The following NTNG2 variants were observed in gnomAD, a reference collection of about 807,000 sequenced individuals.
NTNG2 encodes the protein netrin G2.
A neutral mutation model predicts 47.6 loss-of-function variants in NTNG2; 15 were observed. The observed-to-expected ratio is 0.32, with a 90% CI of 0.21 to 0.49. The LOEUF (loss-of-function observed/expected upper bound fraction) is 0.49. Ranked by LOEUF, NTNG2 falls within the 20% of genes least tolerant of loss-of-function variation. The pLI is 0.99. For missense variants in NTNG2, 578 were observed against 764.6 expected, an observed-to-expected ratio of 0.76 and a Z score of 2.88; for synonymous variants, 307 against 324.6, an observed-to-expected ratio of 0.95 and a Z score of 0.58.
In NTNG2 at chr9:132,198,622, G is replaced by A. The variant is rs375021739; in HGVS notation, c.857+13G>A. 119 of 1,600,286 alleles carry A rather than the reference G, an allele frequency of 7.4e-5. 1 individual carries two copies. Among genetic ancestry groups the A allele is most frequent in the Non-Finnish European group, 9.1e-5 (106 of 1,170,884 alleles). On this transcript the variant is annotated intron_variant, in intron 3 of 7. Transcript: ENST00000393229. ...AGGTCATCGGCAGGTAAGGCCGGGG[G>A]AAGCCCTGGATGTCACCTGCAACCT...
chr9:132,169,708 T>C (rs1404754475), intron 2 of NTNG2, among the ~76,000 whole-genome samples: 1 of 152,244 alleles, frequency 6.6e-6, no homozygotes, highest in Non-Finnish European at 1.5e-5. Flanking sequence ...AGTGTCACGG[T>C]GCTGGCGGGA....
rs1564407430 is a variant in NTNG2 at position 132,197,761 on chromosome 9, T to G, written c.214-205T>G. Among the ~76,000 whole-genome samples the G allele has an allele frequency of 6.6e-6, 1 of 152,156 alleles. No individual in the cohort carries two copies. The highest frequency in any genetic ancestry group is 1.5e-5 in the Non-Finnish European group (1 of 68,018). On this transcript the variant is annotated intron_variant, in intron 2 of 7. Coordinates refer to ENST00000393229, the MANE Select transcript of NTNG2 (RefSeq NM_032536.4). This position sits in a 1 kb window ranked among gnomAD's most constrained non-coding sequence, Gnocchi z 4.3. Reference sequence around the variant, plus strand: ...AGCAAGGACAAGTATGCATTTTTTCTTTGGAAGCCATGGGATTGCACACCT... The same window carrying G: ...AGCAAGGACAAGTATGCATTTTTTCGTTGGAAGCCATGGGATTGCACACCT...
chr9:132,216,414 C>CTGTG (rs1177821281), intron 3 of NTNG2, among the ~76,000 whole-genome samples: 11 of 110,284 alleles, frequency 1.0e-4, no homozygotes, highest in East Asian at 2.5e-4. Flanking sequence ...CTCTCTCTCT[C>CTGTG]TGTGTGTGTG....
At position 132,167,923 on chromosome 9, in the gene NTNG2, C is replaced by T. The variant is rs117978557; in HGVS notation, c.213+879C>T. ...TCAGGGGAGGGCTCTGGCCCAGTGA[C>T]GTCTGTGGGCTTCTGTTCTGTCATC... On this transcript the variant is annotated intron_variant, in intron 2 of 7. Transcript: ENST00000393229. Among the ~76,000 whole-genome samples the T allele has an allele frequency of 3.3e-3, 501 of 152,252 alleles. 1 individual carries two copies. The highest frequency in any genetic ancestry group is 5.2e-3 in the Non-Finnish European group (353 of 68,020).
rs963167729 is a variant in NTNG2 at position 132,243,043 on chromosome 9, T to C, written c.*932T>C. The C allele has an allele frequency of 2.0e-5, 3 of 147,508 alleles. No individual in the cohort carries two copies. The highest frequency in any genetic ancestry group is 7.1e-5 in the Admixed American group (1 of 14,036). 9.1% of individuals were successfully genotyped at this position (147,508 alleles called of 1,614,324 possible). A position where few individuals can be genotyped will look rare whatever the true frequency, so the allele number is the denominator to read the frequency against. On this transcript the variant is annotated 3_prime_UTR_variant, in exon 8 of 8. Coordinates refer to ENST00000393229, the MANE Select transcript of NTNG2 (RefSeq NM_032536.4). Reference sequence around the variant, plus strand: ...GCGGCCAGGCTGCAGGTGCCCCACCTGTTAGGAGCCTCCCCACACTGAAAG... The same window carrying C: ...GCGGCCAGGCTGCAGGTGCCCCACCCGTTAGGAGCCTCCCCACACTGAAAG...
intron 2 of NTNG2, among the ~76,000 whole-genome samples, chr9:132,195,910 G>A (rs1838276538): frequency 6.6e-6 from 1 of 151,962 alleles, no homozygotes; most frequent in Non-Finnish European, 1.5e-5. Flanking sequence ...GGGACTAGAG[G>A]TGCATGCCAC....
At position 132,231,320 on chromosome 9, in the gene NTNG2, G is replaced by C. The variant is rs765707795; in HGVS notation, c.1054+725G>C. 2.4e-5 allele frequency: 11 copies of C among 456,402 alleles called. No individual in the cohort carries two copies. The highest frequency in any genetic ancestry group is 1.7e-4 in the South Asian group (11 of 64,552). 28.3% of individuals were successfully genotyped at this position (456,402 alleles called of 1,614,324 possible). A position where few individuals can be genotyped will look rare whatever the true frequency, so the allele number is the denominator to read the frequency against. ...CCTTGCAAACCCCTCCCCCTGGGAG[G>C]TCGCCATCTGCTCTGCGAGGCAGCA... On this transcript the variant is annotated intron_variant, in intron 5 of 7. Coordinates refer to ENST00000393229, the MANE Select transcript of NTNG2 (RefSeq NM_032536.4). This position sits in a 1 kb window ranked among gnomAD's most constrained non-coding sequence, Gnocchi z 4.1.
At chr9:132,204,297 C>T (rs776175811) in intron 3 of NTNG2, among the ~76,000 whole-genome samples, 1 of 152,166 alleles carries the variant, frequency 6.6e-6, no homozygotes, top group Non-Finnish European at 1.5e-5. Context: ...TGGGCCTCCC[C>T]CAACCTGTTT....
chr9:132,240,731 G>A (rs909364756), intron 6 of NTNG2, 179 bp from the exon 7 acceptor site: 5 of 828,644 alleles, frequency 6.0e-6, no homozygotes, highest in South Asian at 1.7e-5. Flanking sequence ...TTCTCTCCAG[G>A]CCTGGCCACC....
chr9:132,167,141 T>TG (rs1835550732), intron 2 of NTNG2, 97 bp downstream of exon 2: 14 of 1,340,862 alleles, frequency 1.0e-5, no homozygotes, highest in Admixed American at 4.0e-5. Context: ...AGGACTGAGA[T>TG]GCAAGGCTGA....
At chr9:132,172,448 G>A (rs1045720829) in intron 2 of NTNG2, among the ~76,000 whole-genome samples, 15 of 152,184 alleles carry the variant, frequency 9.9e-5, no homozygotes, top group African/African-American at 1.9e-4. Context: ...TTAATAGAAC[G>A]TGCATAGGAG....
In NTNG2 at chr9:132,226,968, G is replaced by A. The variant is rs770695615; in HGVS notation, c.977G>A (p.Arg326Gln). Residue 326 changes from arginine to glutamine, a missense_variant, in exon 4 of 8, where the codon CGG (arginine) becomes CAG (glutamine). Physicochemically the swap from Arg to Gln is conservative, Grantham distance 43. Coordinates refer to ENST00000393229, the MANE Select transcript of NTNG2 (RefSeq NM_032536.4). The surrounding 1 kb of genome is among the most constrained non-coding windows in gnomAD (Gnocchi z 4.8). ...CGKCKKNFRT[R>Q]SWRAGSYLPL... ...AAGTGCAAGAAGAATTTCCGCACCCGGTCCTGGCGGGCCGGCTCCTACCTG... is the reference window on the plus strand; with the variant it reads ...AAGTGCAAGAAGAATTTCCGCACCCAGTCCTGGCGGGCCGGCTCCTACCTG... 1.2e-5 allele frequency: 20 copies of A among 1,611,390 alleles called. No individual in the cohort carries two copies. The highest frequency in any genetic ancestry group is 5.5e-5 in the South Asian group (5 of 91,022).
chr9:132,238,098 C>T (rs1435885280), intron 5 of NTNG2, among the ~76,000 whole-genome samples: 1 of 127,348 alleles, frequency 7.9e-6, no homozygotes, highest in Non-Finnish European at 1.6e-5. Context: ...TGGCCGTTGT[C>T]CTTCCTTGTT....
At position 132,181,872 on chromosome 9, in the gene NTNG2, C is replaced by T. The variant is rs572677778; in HGVS notation, c.213+14828C>T. The stretch of plus-strand genomic sequence containing the variant: ...CACCTCCAGCCTGGGCCGCCCGGCC[C>T]GGCATCCAGGTTCCTAAACAGGCTG... On this transcript the variant is annotated intron_variant, in intron 2 of 7. Transcript: ENST00000393229. Among the ~76,000 whole-genome samples, 479 of 152,356 alleles carry T rather than the reference C, an allele frequency of 3.1e-3. 3 individuals carry two copies. Among genetic ancestry groups the T allele is most frequent in the Non-Finnish European group, 4.8e-3 (329 of 68,030 alleles).
intron 4 of NTNG2, among the ~76,000 whole-genome samples, chr9:132,227,775 C>T (rs1840891953): frequency 6.6e-6 from 1 of 152,198 alleles, no homozygotes; most frequent in South Asian, 2.1e-4. Context: ...CTTCTGAGGA[C>T]CACCCACCCG....
intron 4 of NTNG2, among the ~76,000 whole-genome samples, chr9:132,227,994 G>A (rs761715178): frequency 1.9e-4 from 29 of 152,186 alleles, no homozygotes; most frequent in Non-Finnish European, 3.5e-4. Flanking sequence ...ACACAGCCCC[G>A]CAGGGTGGAG....
rs1340053789 is a variant in NTNG2 at position 132,215,472 on chromosome 9, C to T, written c.858-11377C>T. Among the ~76,000 whole-genome samples the T allele has an allele frequency of 1.6e-5, 2 of 122,664 alleles. No individual in the cohort carries two copies. The highest frequency in any genetic ancestry group is 6.4e-5 in the African/African-American group (2 of 31,108). The allele number at this position is 122,664 out of a possible 152,430, so 80.5% of individuals were successfully genotyped here. ...GCGGGCGCCTGTAATCCCAGCTACTCGGGAGGCTGAGGCAGGATAATTGCT... is the reference window on the plus strand; with the variant it reads ...GCGGGCGCCTGTAATCCCAGCTACTTGGGAGGCTGAGGCAGGATAATTGCT... On this transcript the variant is annotated intron_variant, in intron 3 of 7. Transcript: ENST00000393229. The surrounding 1 kb of genome is among the most constrained non-coding windows in gnomAD (Gnocchi z 4.2).
chr9:132,197,127 C>T lies in NTNG2; in HGVS notation c.214-839C>T, dbSNP rs866836089. Among the ~76,000 whole-genome samples, 1 of 152,144 alleles carries T rather than the reference C, an allele frequency of 6.6e-6. No homozygotes were observed. The highest frequency in any genetic ancestry group is 1.5e-5 in the Non-Finnish European group (1 of 68,036). ...CTCAGGGGCCGGGCGCAGTGGCTCACGTCTGCAATCCCAGCACTTTGGGAG... is the reference window on the plus strand; with the variant it reads ...CTCAGGGGCCGGGCGCAGTGGCTCATGTCTGCAATCCCAGCACTTTGGGAG... On this transcript the variant is annotated intron_variant, in intron 2 of 7. Coordinates refer to ENST00000393229, the MANE Select transcript of NTNG2 (RefSeq NM_032536.4). The surrounding 1 kb of genome is among the most constrained non-coding windows in gnomAD (Gnocchi z 4.3).
chr9:132,227,522 C>T (rs1299549427), intron 4 of NTNG2, among the ~76,000 whole-genome samples: 2 of 152,192 alleles, frequency 1.3e-5, no homozygotes, highest in East Asian at 3.9e-4. Flanking sequence ...TGATCATAAG[C>T]ATCTCTGGGG....
Sources: gnomAD v4.1 joint callset for allele counts (sites outside exome capture counted in the v4.1 genomes callset) on GRCh38, gnomAD v4.1.1 for gene constraint, Gnocchi (gnomAD v3.1) non-coding constraint, MANE v1.5 for transcripts, NCBI Gene and HGNC (gene_info 2026-07-23, HGNC 2026-07-21) for gene names.